The following CADPS variants were observed in gnomAD, a reference collection of about 807,000 sequenced individuals.
CADPS encodes calcium dependent secretion activator, also known as calcium-dependent secretion activator 1.
CADPS carries 57 observed loss-of-function variants against 167.3 expected under a neutral mutation model. The ratio of observed to expected loss-of-function variants is 0.34; its 90% CI spans 0.28 to 0.42. The LOEUF (loss-of-function observed/expected upper bound fraction) is 0.42, where lower values mean the gene tolerates loss of function less well. CADPS is among the 20% of genes least tolerant of loss of function. CADPS has a pLI of 1.00. For synonymous variants in CADPS, 676 were observed against 635.3 expected (o/e 1.06, Z -0.96); for missense variants, 1,414 against 1,738.1 (o/e 0.81, Z 3.32).
intron 26 of CADPS, 73 bp from the exon 27 acceptor site, chr3:62,445,870 C>T (rs1305070216): frequency 6.5e-5 from 69 of 1,057,126 alleles, no homozygotes; most frequent in Admixed American, 4.2e-4. Flanking sequence ...ATGCTGTATC[C>T]CCATCAGAAT....
intron 2 of CADPS, among the ~76,000 whole-genome samples, chr3:62,761,420 ACT>A (rs1386116995): frequency 1.3e-5 from 2 of 151,850 alleles, no homozygotes; most frequent in Non-Finnish European, 2.9e-5. Context: ...AAAAAACAAC[ACT>A]CACACACCCC....
intron 3 of CADPS, among the ~76,000 whole-genome samples, chr3:62,669,288 G>C (rs906092429): frequency 2.0e-5 from 3 of 152,184 alleles, no homozygotes; most frequent in African/African-American, 7.2e-5. Flanking sequence ...TCAGCTGGCA[G>C]GGCCCTCCTT....
At chr3:62,582,823 T>C (rs759039766) in intron 8 of CADPS, among the ~76,000 whole-genome samples, 72 of 152,188 alleles carry the variant, frequency 4.7e-4, no homozygotes, top group Non-Finnish European at 1.8e-4. Flanking sequence ...AGGGTCAAGG[T>C]AGCCTGAAAT....
At chr3:62,569,530 A>G (rs1486902717) in intron 9 of CADPS, among the ~76,000 whole-genome samples, 1 of 152,224 alleles carries the variant, frequency 6.6e-6, no homozygotes, top group African/African-American at 2.4e-5. Context: ...AGAGCCAGAG[A>G]GCTGTATTTT....
intron 3 of CADPS, among the ~76,000 whole-genome samples, chr3:62,685,505 A>G (rs1357839801): frequency 1.3e-5 from 2 of 152,028 alleles, no homozygotes; most frequent in Non-Finnish European, 1.5e-5. Flanking sequence ...GGAGTTTAAT[A>G]AACTGAAGTC....
Position 62,582,546 on chromosome 3 carries a change from T to G in CADPS, c.1577+2639A>C, listed in dbSNP as rs1260889051. The stretch of plus-strand genomic sequence containing the variant: ...ACACAACTGGGCTCAGTAAAACTAT[T>G]TTAAGTTTAAATGGAAAAAAAATGT... On this transcript the variant is annotated intron_variant, in intron 8 of 29. Transcript: ENST00000383710. Among the ~76,000 whole-genome samples the G allele has an allele frequency of 2.6e-5, 4 of 152,332 alleles. No homozygotes were observed. In the East Asian group the frequency reaches 7.7e-4, roughly 29 times the overall value.
At chr3:62,665,862 C>G (rs1414240111) in intron 3 of CADPS, among the ~76,000 whole-genome samples, 1 of 152,192 alleles carries the variant, frequency 6.6e-6, no homozygotes, top group Middle Eastern at 3.2e-3. Flanking sequence ...CTGAGGTTGT[C>G]ATGAGAATCA....
At chr3:62,677,005 T>C (rs137936432) in intron 3 of CADPS, among the ~76,000 whole-genome samples, 1 of 152,242 alleles carries the variant, frequency 6.6e-6, no homozygotes, top group East Asian at 1.9e-4. Context: ...AGCTTCCTTA[T>C]CATTAATAAT....
In CADPS at chr3:62,446,288, C is replaced by T. The variant is rs6778768; in HGVS notation, c.3637-491G>A. Among the ~76,000 whole-genome samples, 116,417 of 152,096 alleles carry T rather than the reference C, an allele frequency of 0.77. 44,851 individuals carry two copies. The highest frequency in any genetic ancestry group is 0.81 in the Non-Finnish European group (55,250 of 68,000). ...TCAACCCAGAGGGAGATGGTGTCTGCGGGTAGGGGGATGAGAACCTTTCAA... is the reference window on the plus strand; with the variant it reads ...TCAACCCAGAGGGAGATGGTGTCTGTGGGTAGGGGGATGAGAACCTTTCAA... On this transcript the variant is annotated intron_variant, in intron 26 of 29. Transcript: ENST00000383710. This position sits in a 1 kb window ranked among gnomAD's most constrained non-coding sequence, Gnocchi z 4.9.
At chr3:62,629,822 T>A (rs912570975) in intron 6 of CADPS, among the ~76,000 whole-genome samples, 5 of 151,422 alleles carry the variant, frequency 3.3e-5, no homozygotes, top group African/African-American at 1.2e-4. Context: ...TTTTCCCATC[T>A]TGGGGACTTT....
rs898491443 is a variant in CADPS, at chr3:62,874,445, A to AG, written c.441+143dup. The AG allele has an allele frequency of 3.2e-6, 2 of 631,774 alleles. No homozygotes were observed. Among genetic ancestry groups the AG allele is most frequent in the Admixed American group, 3.0e-5 (1 of 33,254 alleles). The allele number at this position is 631,774 out of a possible 1,614,324, so 39.1% of individuals were successfully genotyped here. A position where few individuals can be genotyped will look rare whatever the true frequency, so the allele number is the denominator to read the frequency against. On this transcript the variant is annotated intron_variant, in intron 1 of 29. Coordinates refer to ENST00000383710, the MANE Select transcript of CADPS (RefSeq NM_003716.4). This position sits in a 1 kb window ranked among gnomAD's most constrained non-coding sequence, Gnocchi z 7.1. ...GGCCTGGGCGAGCCCGGCCGCTGGG[A>AG]GGGGGCCTCGTAGCCCTTTCCCCAG...
At chr3:62,828,012 A>C (rs1012935684) in intron 1 of CADPS, among the ~76,000 whole-genome samples, 1 of 152,170 alleles carries the variant, frequency 6.6e-6, no homozygotes, top group Non-Finnish European at 1.5e-5. Context: ...GTGTCTCAGA[A>C]AGAGAACTTC....
In CADPS at chr3:62,582,652, T is replaced by G. The variant is rs541410072; in HGVS notation, c.1577+2533A>C. ...CATCCCTGATTTAGGCCACGTTGGGTCCGATGGTGTTATTAAGGCACTCAC... is the reference window on the plus strand; with the variant it reads ...CATCCCTGATTTAGGCCACGTTGGGGCCGATGGTGTTATTAAGGCACTCAC... On this transcript the variant is annotated intron_variant, in intron 8 of 29. Coordinates refer to ENST00000383710, the MANE Select transcript of CADPS (RefSeq NM_003716.4). Among the ~76,000 whole-genome samples the G allele has an allele frequency of 2.0e-5, 3 of 152,268 alleles. No individual in the cohort carries two copies. The South Asian group carries it at 6.2e-4, about 32-fold the overall frequency.
intron 11 of CADPS, among the ~76,000 whole-genome samples, chr3:62,541,854 T>A (rs1375149824): frequency 1.3e-5 from 2 of 152,140 alleles, no homozygotes; most frequent in African/African-American, 4.8e-5. Flanking sequence ...TATCTCAGTA[T>A]CAAGCACACT....
At chr3:62,599,692 T>A (rs1479808174) in intron 6 of CADPS, among the ~76,000 whole-genome samples, 3 of 50,546 alleles carry the variant, frequency 5.9e-5, no homozygotes, top group East Asian at 1.2e-3. Flanking sequence ...TATATAATAT[T>A]ATAATATATA....
At chr3:62,614,570 C>A (rs2061974508) in intron 6 of CADPS, among the ~76,000 whole-genome samples, 1 of 152,202 alleles carries the variant, frequency 6.6e-6, no homozygotes, top group African/African-American at 2.4e-5. Context: ...CATCTGTATT[C>A]TGTATTTGTT....
At chr3:62,794,666 T>C (rs1199650701) in intron 1 of CADPS, among the ~76,000 whole-genome samples, 1 of 151,884 alleles carries the variant, frequency 6.6e-6, no homozygotes, top group Non-Finnish European at 1.5e-5. Context: ...AAACTATTGC[T>C]AATGTCCCTC....
At chr3:62,818,956 T>C (rs995087649) in intron 1 of CADPS, among the ~76,000 whole-genome samples, 3 of 152,170 alleles carry the variant, frequency 2.0e-5, no homozygotes, top group African/African-American at 7.2e-5. Context: ...GTTTCCACTT[T>C]TATGATAATA....
intron 3 of CADPS, among the ~76,000 whole-genome samples, chr3:62,713,262 C>A (rs940530433): frequency 6.6e-6 from 1 of 152,086 alleles, no homozygotes; most frequent in African/African-American, 2.4e-5. Flanking sequence ...ACTACCATTT[C>A]TTTCAGGGGG....
Sources: gnomAD v4.1 joint callset for allele counts (sites outside exome capture counted in the v4.1 genomes callset) on GRCh38, gnomAD v4.1.1 for gene constraint, Gnocchi (gnomAD v3.1) non-coding constraint, MANE v1.5 for transcripts, NCBI Gene and HGNC (gene_info 2026-07-23, HGNC 2026-07-21) for gene names.